WWTR1: variants seen among roughly 807,000 people sequenced by gnomAD.
WWTR1 encodes the protein WW domain containing transcription regulator 1, also known as WW domain-containing transcription regulator protein 1.
Under a neutral mutation model 40.1 loss-of-function variants are expected in WWTR1, and 13 were observed. The ratio of observed to expected loss-of-function variants is 0.32; its 90% CI spans 0.21 to 0.52. The LOEUF is 0.52. WWTR1 is among the 20% of genes least tolerant of loss of function. The pLI is 0.97. For synonymous variants in WWTR1, 230 were observed against 210.1 expected, an observed-to-expected ratio of 1.09 and a Z score of -0.82; for missense variants, 436 against 523.1, an observed-to-expected ratio of 0.83 and a Z score of 1.63.
At chr3:149,524,142 C>T (rs1462135965) in intron 6 of WWTR1, among the ~76,000 whole-genome samples, 1 of 152,170 alleles carries the variant, frequency 6.6e-6, no homozygotes, top group African/African-American at 2.4e-5. Context: ...GGTTATGCAA[C>T]TTACCCAAAG....
chr3:149,629,324 A>AT (rs11392727), intron 2 of WWTR1, among the ~76,000 whole-genome samples: 86,484 of 151,914 alleles, frequency 0.57, 25,204 homozygotes, highest in Middle Eastern at 0.73. Context: ...AAGTACTTAT[A>AT]TTGTATTTTC....
chr3:149,677,611 C>T (rs1375654414), intron 1 of WWTR1, among the ~76,000 whole-genome samples: 4 of 152,246 alleles, frequency 2.6e-5, no homozygotes, highest in South Asian at 2.1e-4. Flanking sequence ...GAGGCCGAGA[C>T]GGGTGGATCA....
intron 2 of WWTR1, among the ~76,000 whole-genome samples, chr3:149,647,058 G>A (rs1343658933): frequency 2.0e-5 from 3 of 152,028 alleles, no homozygotes; most frequent in Non-Finnish European, 4.4e-5. Flanking sequence ...AAAAGAAGGT[G>A]CAGAAGAGTG....
upstream of WWTR1, among the ~76,000 whole-genome samples, chr3:149,707,283 A>C (rs1326655511): frequency 6.6e-6 from 1 of 152,172 alleles, no homozygotes; most frequent in African/African-American, 2.4e-5. Context: ...CAAAGCCCCC[A>C]GCAAACTTCA....
chr3:149,650,984 T>C (rs1712832482), intron 2 of WWTR1, among the ~76,000 whole-genome samples: 1 of 152,202 alleles, frequency 6.6e-6, no homozygotes, highest in African/African-American at 2.4e-5. Flanking sequence ...GCTATGTGTG[T>C]TGGGAGAGAG....
intron 2 of WWTR1, among the ~76,000 whole-genome samples, chr3:149,645,325 C>T (rs1038059763): frequency 9.9e-5 from 15 of 151,158 alleles, no homozygotes; most frequent in Non-Finnish European, 1.3e-4. Context: ...GTGATCTGCC[C>T]GCCTCGGCCT....
intron 2 of WWTR1, among the ~76,000 whole-genome samples, chr3:149,620,801 A>G (rs1229635446): frequency 1.3e-5 from 2 of 152,186 alleles, no homozygotes; most frequent in East Asian, 1.9e-4. Flanking sequence ...TCTGCCCCAC[A>G]TGGGGGAATA....
intron 4 of WWTR1, among the ~76,000 whole-genome samples, chr3:149,540,805 T>C (rs1736059678): frequency 6.6e-6 from 1 of 152,208 alleles, no homozygotes. Context: ...AAAGTTCAGC[T>C]GAGCAACAAA....
At chr3:149,653,518 T>C (rs1223464626) in intron 2 of WWTR1, among the ~76,000 whole-genome samples, 2 of 152,182 alleles carry the variant, frequency 1.3e-5, no homozygotes, top group Non-Finnish European at 2.9e-5. Flanking sequence ...TCATTGTTAC[T>C]CTAAAGGAAT....
intron 3 of WWTR1, among the ~76,000 whole-genome samples, chr3:149,571,645 G>A (rs1560065997): frequency 1.3e-5 from 2 of 152,308 alleles, no homozygotes; most frequent in East Asian, 3.9e-4. Flanking sequence ...GTCTACTTGA[G>A]TTCATACTCA....
intron 4 of WWTR1, among the ~76,000 whole-genome samples, chr3:149,531,857 A>G (rs959632808): frequency 1.8e-4 from 28 of 152,330 alleles, no homozygotes; most frequent in African/African-American, 5.8e-4. Context: ...TAACAGTGCT[A>G]GGCATACAGT....
chr3:149,724,739 T>C (rs767329133), exon 3 of WWTR1: 5 of 152,202 alleles, frequency 3.3e-5, no homozygotes, highest in Non-Finnish European at 5.9e-5. Flanking sequence ...CACATTTACA[T>C]AGAAATGTAA....
At chr3:149,609,898 C>T (rs1354070233) in intron 2 of WWTR1, among the ~76,000 whole-genome samples, 2 of 152,158 alleles carry the variant, frequency 1.3e-5, no homozygotes, top group Admixed American at 6.5e-5. Flanking sequence ...CTTCCTTTTC[C>T]AAGGTCCTCC....
At chr3:149,577,445 T>A (rs1482081756) in intron 2 of WWTR1, among the ~76,000 whole-genome samples, 5 of 151,700 alleles carry the variant, frequency 3.3e-5, no homozygotes, top group Non-Finnish European at 7.4e-5. Flanking sequence ...TAAGCGGGAG[T>A]GGGCTTTTTC....
At chr3:149,615,483 T>C (rs1739929586) in intron 2 of WWTR1, among the ~76,000 whole-genome samples, 2 of 152,230 alleles carry the variant, frequency 1.3e-5, no homozygotes, top group African/African-American at 4.8e-5. Flanking sequence ...GGTAGGTACG[T>C]GGGAAATTAT....
At chr3:149,628,136 C>A (rs1001142246) in intron 2 of WWTR1, among the ~76,000 whole-genome samples, 1 of 150,562 alleles carries the variant, frequency 6.6e-6, no homozygotes, top group Admixed American at 6.6e-5. Flanking sequence ...TTTGGGAGGT[C>A]GAGGTGGGCA....
At chr3:149,674,950 G>A (rs1457802737) in intron 1 of WWTR1, among the ~76,000 whole-genome samples, 1 of 152,216 alleles carries the variant, frequency 6.6e-6, no homozygotes, top group Non-Finnish European at 1.5e-5. Context: ...AAGTGGAAAA[G>A]CAGTGTTTCT....
At chr3:149,682,620 T>A (rs1281885187) in intron 1 of WWTR1, among the ~76,000 whole-genome samples, 1 of 152,184 alleles carries the variant, frequency 6.6e-6, no homozygotes, top group Non-Finnish European at 1.5e-5. Flanking sequence ...AGACTGTAAA[T>A]AAGCCTAAAT....
intron 4 of WWTR1, among the ~76,000 whole-genome samples, chr3:149,528,210 G>A (rs1395945616): frequency 6.6e-6 from 1 of 152,188 alleles, no homozygotes; most frequent in African/African-American, 2.4e-5. Context: ...GGCACTTAAT[G>A]TTGCAATCAT....
Sources: allele counts gnomAD v4.1 joint callset (sites outside exome capture counted in the v4.1 genomes callset), GRCh38; gene constraint gnomAD v4.1.1; transcripts MANE v1.5; gene names NCBI Gene and HGNC (gene_info 2026-07-23, HGNC 2026-07-21).